RNF13: variants seen among roughly 807,000 people sequenced by gnomAD.
RNF13 encodes the protein E3 ubiquitin-protein ligase RNF13.
In RNF13, 19 loss-of-function variants were observed where a neutral mutation model predicts 37.7. That is an observed-to-expected ratio of 0.50 (90% CI 0.35 to 0.74). The LOEUF is 0.74. RNF13 is among the 30% of genes least tolerant of loss of function. RNF13 has a pLI of 0.01. For synonymous variants in RNF13, 144 were observed against 157.8 expected (o/e 0.91, Z 0.65); for missense variants, 375 against 453.0 (o/e 0.83, Z 1.56).
intron 3 of RNF13, among the ~76,000 whole-genome samples, chr3:149,870,449 C>T (rs78374747): frequency 0.017 from 2,553 of 151,608 alleles, 80 homozygotes; most frequent in African/African-American, 0.058. Context: ...ATTTGTTTTT[C>T]TTTTTCTATG....
intron 8 of RNF13, among the ~76,000 whole-genome samples, chr3:149,944,008 A>G (rs561105513): frequency 7.2e-4 from 108 of 151,004 alleles, no homozygotes; most frequent in African/African-American, 2.5e-3. Context: ...TCCCCTTCCT[A>G]CGTCCCAGTG....
intron 3 of RNF13, among the ~76,000 whole-genome samples, chr3:149,868,295 C>T (rs532020401): frequency 5.3e-5 from 8 of 151,462 alleles, no homozygotes; most frequent in Admixed American, 2.0e-4. Context: ...TGTACCAGTG[C>T]GTTTTAGACC....
chr3:149,843,603 A>G (rs546227028), intron 1 of RNF13, among the ~76,000 whole-genome samples: 1 of 152,346 alleles, frequency 6.6e-6, no homozygotes, highest in African/African-American at 2.4e-5. Flanking sequence ...AGTAAAAGGA[A>G]ACTGGTGACT....
chr3:149,961,337 TG>T lies in RNF13; in HGVS notation c.*235del, dbSNP rs758115824. ...TCAAGCATCAATTCAGCTCTTCTTTTGGAATGAAAGTATAGCCAAAACATAA... is the reference window on the plus strand; with the variant it reads ...TCAAGCATCAATTCAGCTCTTCTTTTGAATGAAAGTATAGCCAAAACATAA... On this transcript the variant is annotated 3_prime_UTR_variant, in exon 10 of 10. Coordinates refer to ENST00000392894, the MANE Select transcript of RNF13 (RefSeq NM_183381.3). The T allele has an allele frequency of 2.8e-4, 187 of 662,304 alleles. No homozygotes were observed. The African/African-American group carries it at 3.3e-3, about 12-fold the overall frequency. The allele number at this position is 662,304 out of a possible 1,614,324, so 41.0% of individuals were successfully genotyped here. A position where few individuals can be genotyped will look rare whatever the true frequency, so the allele number is the denominator to read the frequency against.
intron 3 of RNF13, among the ~76,000 whole-genome samples, chr3:149,869,395 G>A (rs897740936): frequency 1.3e-5 from 2 of 151,588 alleles, no homozygotes; most frequent in African/African-American, 4.8e-5. Context: ...CACAAGGTCA[G>A]GAGATCGAGA....
chr3:149,869,809 G>T (rs1254200196), intron 3 of RNF13, among the ~76,000 whole-genome samples: 1 of 151,796 alleles, frequency 6.6e-6, no homozygotes, highest in Non-Finnish European at 1.5e-5. Context: ...TTTGGTTAGA[G>T]GTTATTTACT....
At chr3:149,914,925 C>T (rs1018972557) in intron 7 of RNF13, among the ~76,000 whole-genome samples, 9 of 149,734 alleles carry the variant, frequency 6.0e-5, no homozygotes, top group African/African-American at 2.0e-4. Context: ...GCAACAAGAT[C>T]GAAACTCCAT....
chr3:149,813,563 T>A (rs888536631), intron 1 of RNF13, among the ~76,000 whole-genome samples: 3 of 152,220 alleles, frequency 2.0e-5, no homozygotes, highest in Non-Finnish European at 4.4e-5. Context: ...CCCTGCACTC[T>A]CATTCCGCGA....
At chr3:149,905,187 C>T (rs943588173) in intron 6 of RNF13, among the ~76,000 whole-genome samples, 5 of 152,110 alleles carry the variant, frequency 3.3e-5, no homozygotes, top group Non-Finnish European at 7.3e-5. Context: ...AATTCCCATC[C>T]GTAAGGGTCA....
intron 1 of RNF13, among the ~76,000 whole-genome samples, chr3:149,841,888 C>A (rs1201898147): frequency 6.6e-6 from 1 of 152,172 alleles, no homozygotes; most frequent in East Asian, 1.9e-4. Flanking sequence ...CCTCGGCCTC[C>A]CAAAGTGTTA....
At chr3:149,926,845 T>G (rs1718703395) in intron 8 of RNF13, among the ~76,000 whole-genome samples, 1 of 152,218 alleles carries the variant, frequency 6.6e-6, no homozygotes, top group South Asian at 2.1e-4. Context: ...AGTAGGTTCA[T>G]GGTAAGACCT....
At chr3:149,928,285 C>A (rs1420360457) in intron 8 of RNF13, among the ~76,000 whole-genome samples, 1 of 151,948 alleles carries the variant, frequency 6.6e-6, no homozygotes, top group Admixed American at 6.6e-5. Flanking sequence ...ATGTTTTCTT[C>A]AAAGTTTTAT....
At position 149,813,573 on chromosome 3, in the gene RNF13, A is replaced by G. The variant is rs148182518; in HGVS notation, c.-17+220A>G. Reference sequence around the variant, plus strand: ...GTCTCCCCTGCACTCTCATTCCGCGAGTTTGTGTGTGTCCAAAGTTGAGTT... The same window carrying G: ...GTCTCCCCTGCACTCTCATTCCGCGGGTTTGTGTGTGTCCAAAGTTGAGTT... On this transcript the variant is annotated intron_variant, in intron 1 of 9. Coordinates refer to ENST00000392894, the MANE Select transcript of RNF13 (RefSeq NM_183381.3). 2.6e-5 allele frequency among the ~76,000 whole-genome samples: 4 copies of G among 151,806 alleles called. No individual in the cohort carries two copies. In the South Asian group the frequency reaches 6.3e-4, roughly 24 times the overall value.
intron 5 of RNF13, among the ~76,000 whole-genome samples, chr3:149,899,898 A>G (rs1715646926): frequency 6.6e-6 from 1 of 152,236 alleles, no homozygotes; most frequent in Admixed American, 6.5e-5. Flanking sequence ...TAGGCAATCA[A>G]ATGGAGATAT....
chr3:149,936,238 T>C (rs758117562), intron 8 of RNF13, among the ~76,000 whole-genome samples: 2 of 152,132 alleles, frequency 1.3e-5, no homozygotes, highest in African/African-American at 2.4e-5. Flanking sequence ...ATCTGTTTGG[T>C]AATCTTTGAC....
chr3:149,942,215 T>A (rs924214002), intron 8 of RNF13, among the ~76,000 whole-genome samples: 1 of 152,178 alleles, frequency 6.6e-6, no homozygotes, highest in African/African-American at 2.4e-5. Flanking sequence ...TTTACGATGC[T>A]TTTTTCTGTT....
chr3:149,869,741 G>A (rs1711797164), intron 3 of RNF13, among the ~76,000 whole-genome samples: 1 of 151,886 alleles, frequency 6.6e-6, no homozygotes, highest in Non-Finnish European at 1.5e-5. Context: ...TGCATTGAAA[G>A]ATTAGTTATT....
At chr3:149,860,910 A>G (rs1724187852) in intron 3 of RNF13, among the ~76,000 whole-genome samples, 2 of 152,306 alleles carry the variant, frequency 1.3e-5, no homozygotes, top group Non-Finnish European at 2.9e-5. Flanking sequence ...TGAACATCTC[A>G]GCAGCAAAAA....
At chr3:149,852,130 A>T (rs1723176805) in intron 2 of RNF13, among the ~76,000 whole-genome samples, 1 of 152,210 alleles carries the variant, frequency 6.6e-6, no homozygotes, top group South Asian at 2.1e-4. Flanking sequence ...TAGAGCCAGA[A>T]ATGCTGTAAA....
Sources: allele counts gnomAD v4.1 joint callset (sites outside exome capture counted in the v4.1 genomes callset), GRCh38; gene constraint gnomAD v4.1.1; transcripts MANE v1.5; gene names NCBI Gene and HGNC (gene_info 2026-07-23, HGNC 2026-07-21).